NR2C2: variants seen among roughly 807,000 people sequenced by gnomAD.
The protein encoded by NR2C2 is nuclear receptor subfamily 2 group C member 2, also known as Nuclear hormone receptor TR4.
In NR2C2, 6 loss-of-function variants were observed where a neutral mutation model predicts 62.9. That is an observed-to-expected ratio of 0.10 (90% CI 0.05 to 0.19). The LOEUF (loss-of-function observed/expected upper bound fraction) is 0.19, where lower values mean the gene tolerates loss of function less well. NR2C2 is among the 10% of genes least tolerant of loss of function. NR2C2 has a pLI of 1.00. For synonymous variants in NR2C2, 272 were observed against 273.8 expected, an observed-to-expected ratio of 0.99 and a Z score of 0.07; for missense variants, 479 against 762.7, an observed-to-expected ratio of 0.63 and a Z score of 4.38.
intron 5 of NR2C2, among the ~76,000 whole-genome samples, chr3:15,021,142 C>A (rs1367165178): frequency 1.3e-5 from 2 of 152,110 alleles, no homozygotes; most frequent in Non-Finnish European, 2.9e-5. Context: ...TGTGGAAAGC[C>A]TTATTACAGA....
At chr3:15,005,035 G>A (rs1438314057) in intron 2 of NR2C2, among the ~76,000 whole-genome samples, 1 of 152,090 alleles carries the variant, frequency 6.6e-6, no homozygotes, top group Non-Finnish European at 1.5e-5. Flanking sequence ...TTACAGGCAT[G>A]AGCCACCATG....
chr3:14,970,056 A>G (rs2039990299), intron 1 of NR2C2, among the ~76,000 whole-genome samples: 1 of 152,202 alleles, frequency 6.6e-6, no homozygotes, highest in Non-Finnish European at 1.5e-5. Flanking sequence ...TCAAAGTAGT[A>G]CATATACATA....
At chr3:14,968,277 CAA>C (rs1418913367) in intron 1 of NR2C2, among the ~76,000 whole-genome samples, 1 of 152,002 alleles carries the variant, frequency 6.6e-6, no homozygotes, top group African/African-American at 2.4e-5. Flanking sequence ...ACAATGAACT[CAA>C]AGAAATTTAC....
At chr3:14,950,171 T>C (rs896915184) in intron 1 of NR2C2, among the ~76,000 whole-genome samples, 29 of 152,258 alleles carry the variant, frequency 1.9e-4, no homozygotes, top group African/African-American at 7.0e-4. Context: ...GAAATTTTTA[T>C]GCAGTGTGGT....
intron 1 of NR2C2, among the ~76,000 whole-genome samples, chr3:14,968,425 C>G (rs1362920912): frequency 6.6e-6 from 1 of 151,818 alleles, no homozygotes; most frequent in African/African-American, 2.4e-5. Context: ...CAAATCAAAA[C>G]CACAATGAGA....
intron 13 of NR2C2, among the ~76,000 whole-genome samples, chr3:15,040,281 G>C (rs1312383836): frequency 6.6e-6 from 1 of 152,204 alleles, no homozygotes; most frequent in Non-Finnish European, 1.5e-5. Flanking sequence ...GGATGGAAGA[G>C]TGCTGCTTTC....
intron 1 of NR2C2, among the ~76,000 whole-genome samples, chr3:14,995,636 G>A (rs2040810915): frequency 6.6e-6 from 1 of 150,452 alleles, no homozygotes; most frequent in East Asian, 2.0e-4. Flanking sequence ...TGAACATTGT[G>A]TACCAGTTTT....
At chr3:15,029,782 GTAAA>G (rs1162459355) in intron 8 of NR2C2, among the ~76,000 whole-genome samples, 2 of 134,700 alleles carry the variant, frequency 1.5e-5, no homozygotes, top group African/African-American at 2.7e-5. Context: ...CTCTGAAAAA[GTAAA>G]TAAATAATAG....
chr3:15,010,201 C>T (rs2041310226), intron 2 of NR2C2, among the ~76,000 whole-genome samples: 1 of 152,030 alleles, frequency 6.6e-6, no homozygotes. Flanking sequence ...AAATAGGAAT[C>T]TATCTGTGTT....
At chr3:14,995,242 T>A (rs1014778757) in intron 1 of NR2C2, among the ~76,000 whole-genome samples, 1 of 150,858 alleles carries the variant, frequency 6.6e-6, no homozygotes, top group Non-Finnish European at 1.5e-5. Context: ...AGGTGTAGAA[T>A]TCTGTGGCTT....
intron 2 of NR2C2, among the ~76,000 whole-genome samples, chr3:15,012,149 G>A (rs2124979129): frequency 1.3e-5 from 2 of 151,422 alleles, no homozygotes; most frequent in Middle Eastern, 6.8e-3. Flanking sequence ...AGCCAACATT[G>A]TCTTATTTTC....
chr3:15,005,440 C>T (rs2041144045), intron 2 of NR2C2, among the ~76,000 whole-genome samples: 1 of 139,416 alleles, frequency 7.2e-6, no homozygotes, highest in Admixed American at 7.5e-5. Flanking sequence ...GGGTCTCAAA[C>T]TCCTGAGCTC....
At chr3:15,024,284 C>CT in intron 7 of NR2C2, 76 bp downstream of exon 7, 1 of 976,770 alleles carries the variant, frequency 1.0e-6, no homozygotes, top group East Asian at 2.6e-5. Flanking sequence ...GTGTGCACCA[C>CT]TTTCTTCCTG....
At chr3:15,025,508 T>A (rs77903231) in intron 7 of NR2C2, 10,631 of 152,296 alleles carry the variant, frequency 0.07, 497 homozygotes, top group Admixed American at 0.099. Flanking sequence ...TCCTACCCCA[T>A]TCCTTCCTGT....
intron 1 of NR2C2, among the ~76,000 whole-genome samples, chr3:14,976,809 C>A (rs2040220449): frequency 6.6e-6 from 1 of 151,946 alleles, no homozygotes; most frequent in Admixed American, 6.6e-5. Context: ...TTATTGTCTT[C>A]CATTTTCTAG....
In NR2C2 at chr3:14,961,949, G is replaced by A. The variant is rs2039699511; in HGVS notation, c.-40+14043G>A. On this transcript the variant is annotated intron_variant, in intron 1 of 13. Transcript: ENST00000425241. ...AGTGAGGTATGTTAGCACCAAGCAGGGTTTTGCTTCTCACTTTGCCACTAG... is the reference window on the plus strand; with the variant it reads ...AGTGAGGTATGTTAGCACCAAGCAGAGTTTTGCTTCTCACTTTGCCACTAG... Among the ~76,000 whole-genome samples, 5 of 152,250 alleles carry A rather than the reference G, an allele frequency of 3.3e-5. No homozygotes were observed. The South Asian group carries it at 1.0e-3, about 32-fold the overall frequency.
At chr3:14,997,966 T>TC (rs746682322) in intron 1 of NR2C2, among the ~76,000 whole-genome samples, 5 of 152,190 alleles carry the variant, frequency 3.3e-5, no homozygotes, top group Non-Finnish European at 7.3e-5. Flanking sequence ...TGTTCCCCTG[T>TC]CACCTGGCAA....
chr3:14,998,397 G>A (rs1476366015), intron 1 of NR2C2, among the ~76,000 whole-genome samples: 4 of 152,148 alleles, frequency 2.6e-5, no homozygotes, highest in African/African-American at 9.7e-5. Context: ...AATGTATGAA[G>A]GTTCCCATCT....
In NR2C2 at chr3:15,048,872, TATCA is replaced by T. The variant is rs1163558210; in HGVS notation, c.*5866_*5869del. The T allele has an allele frequency of 6.5e-6, 1 of 152,672 alleles. No homozygotes were observed. Among genetic ancestry groups the T allele is most frequent in the Non-Finnish European group, 1.5e-5 (1 of 68,052 alleles). The allele number at this position is 152,672 out of a possible 1,614,324, so 9.5% of individuals were successfully genotyped here. On this transcript the variant is annotated 3_prime_UTR_variant, in exon 14 of 14. Transcript: ENST00000425241. Reference sequence around the variant, plus strand: ...ACCAGCCCTTTTAAAGGCATCTATCTATCAAAGGAAAATTTGGGTGTTAGATTTT... The same window carrying T: ...ACCAGCCCTTTTAAAGGCATCTATCTAAGGAAAATTTGGGTGTTAGATTTT...
Sources: gnomAD v4.1 joint callset for allele counts (sites outside exome capture counted in the v4.1 genomes callset) on GRCh38, gnomAD v4.1.1 for gene constraint, MANE v1.5 for transcripts, NCBI Gene and HGNC (gene_info 2026-07-23, HGNC 2026-07-21) for gene names.